The following NSD3 variants were observed in gnomAD, a reference collection of about 807,000 sequenced individuals.
NSD3 encodes the protein nuclear receptor binding SET domain protein 3, also known as histone-lysine N-methyltransferase NSD3.
In NSD3, 24 loss-of-function variants were observed where a neutral mutation model predicts 160.8. The ratio of observed to expected loss-of-function variants is 0.15; its 90% CI spans 0.11 to 0.21. The LOEUF is 0.21. NSD3 is among the 10% of genes least tolerant of loss of function. The pLI, the probability that NSD3 is intolerant of heterozygous loss-of-function variation, is 1.00. For synonymous variants in NSD3, 520 were observed against 600.0 expected (o/e 0.87, Z 1.95); for missense variants, 1,157 against 1,735.9 (o/e 0.67, Z 5.93).
intron 14 of NSD3, 93 bp downstream of exon 14, chr8:38,304,494 G>T: frequency 1.6e-6 from 2 of 1,280,398 alleles, no homozygotes; most frequent in Non-Finnish European, 2.2e-6. Context: ...CTACTAGATG[G>T]CCTGAGTTCT....
intron 12 of NSD3, among the ~76,000 whole-genome samples, chr8:38,310,299 G>A (rs955270591): frequency 1.3e-5 from 2 of 152,018 alleles, no homozygotes; most frequent in Non-Finnish European, 2.9e-5. Flanking sequence ...TTTTATACCT[G>A]GCTTATTTCA....
intron 1 of NSD3, among the ~76,000 whole-genome samples, chr8:38,378,981 C>T (rs1811471705): frequency 6.6e-6 from 1 of 152,210 alleles, no homozygotes; most frequent in South Asian, 2.1e-4. Context: ...GAAACGCTGT[C>T]ATTAGAATCA....
chr8:38,360,586 C>T (rs970258905), intron 1 of NSD3, among the ~76,000 whole-genome samples: 1 of 152,164 alleles, frequency 6.6e-6, no homozygotes, highest in Non-Finnish European at 1.5e-5. Flanking sequence ...AACATCAATT[C>T]TCCAAATGAC....
intron 4 of NSD3, among the ~76,000 whole-genome samples, chr8:38,336,854 T>TA (rs1810229339): frequency 6.6e-6 from 1 of 152,174 alleles, no homozygotes; most frequent in African/African-American, 2.4e-5. Flanking sequence ...TAAAAACTGA[T>TA]ACAGAGGCCG....
intron 23 of NSD3, 82 bp from the exon 24 acceptor site, chr8:38,275,964 C>T: frequency 8.2e-7 from 1 of 1,225,648 alleles, no homozygotes; most frequent in Non-Finnish European, 1.1e-6. Flanking sequence ...ACCCAGGTTC[C>T]TTCTTCTCTC....
intron 1 of NSD3, among the ~76,000 whole-genome samples, chr8:38,377,078 A>T (rs1004933460): frequency 6.6e-6 from 1 of 152,074 alleles, no homozygotes; most frequent in Non-Finnish European, 1.5e-5. Flanking sequence ...TTTGAGACGG[A>T]GTCTCGCTTT....
At chr8:38,332,833 G>A (rs538934828) in intron 4 of NSD3, among the ~76,000 whole-genome samples, 1 of 151,912 alleles carries the variant, frequency 6.6e-6, no homozygotes, top group Non-Finnish European at 1.5e-5. Context: ...GATCTTTTGC[G>A]AAAAATAGTC....
At chr8:38,334,620 T>C (rs1315822643) in intron 4 of NSD3, among the ~76,000 whole-genome samples, 1 of 148,676 alleles carries the variant, frequency 6.7e-6, no homozygotes, top group Non-Finnish European at 1.5e-5. Context: ...AATTAGCCGG[T>C]GTGGTGGTGG....
chr8:38,323,298 C>T (rs1181737562), intron 7 of NSD3, among the ~76,000 whole-genome samples: 2 of 151,984 alleles, frequency 1.3e-5, no homozygotes, highest in African/African-American at 2.4e-5. Flanking sequence ...CCTTGTGATC[C>T]GCCTGCCTCA....
intron 1 of NSD3, among the ~76,000 whole-genome samples, chr8:38,373,424 T>C (rs1811306986): frequency 1.3e-5 from 2 of 152,178 alleles, no homozygotes; most frequent in Admixed American, 6.5e-5. Context: ...GTTTATACTG[T>C]ACATTCAAGT....
chr8:38,345,401 CA>C (rs1419990421), intron 2 of NSD3, among the ~76,000 whole-genome samples: 3 of 151,440 alleles, frequency 2.0e-5, no homozygotes, highest in Non-Finnish European at 4.4e-5. Flanking sequence ...AGAGAACGAA[CA>C]AGAAAAAAAC....
chr8:38,325,315 C>A (rs530751603), intron 7 of NSD3, among the ~76,000 whole-genome samples: 4 of 152,302 alleles, frequency 2.6e-5, no homozygotes, highest in Non-Finnish European at 1.5e-5. Flanking sequence ...TCTATAAGTA[C>A]GTTCAGAAAA....
chr8:38,318,115 G>A lies in NSD3; in HGVS notation c.1855+780C>T. 2 of 1,540,674 alleles carry A rather than the reference G, an allele frequency of 1.3e-6. No individual in the cohort carries two copies. Among genetic ancestry groups the A allele is most frequent in the South Asian group, 1.2e-5 (1 of 85,746 alleles). On this transcript the variant is annotated intron_variant, in intron 9 of 23. Transcript: ENST00000317025. This position sits in a 1 kb window ranked among gnomAD's most constrained non-coding sequence, Gnocchi z 5.3. ...TCGCGATGTCTTTTCTTGGAGCTCC[G>A]CCAAGCAGTGTTCCCTCCGAGAGGC...
chr8:38,304,639 C>T lies in NSD3; in HGVS notation c.2559G>A (p.Arg853=). Residue 853 remains arginine (R), a synonymous_variant, in exon 14 of 24, where the codon CGG becomes CGA. Transcript: ENST00000317025. ...CATTTACAGCAGAAGAATTACTGCTCCGTTTGGAATGATTACTACAGATGA... is the reference window on the plus strand; with the variant it reads ...CATTTACAGCAGAAGAATTACTGCTTCGTTTGGAATGATTACTACAGATGA... ...YILICSNHSK[R]SSNSSAVNVG... 1.9e-6 allele frequency: 3 copies of T among 1,613,694 alleles called. No individual in the cohort carries two copies. The highest frequency in any genetic ancestry group is 2.5e-6 in the Non-Finnish European group (3 of 1,179,830).
intron 2 of NSD3, among the ~76,000 whole-genome samples, chr8:38,345,735 G>A (rs1463917721): frequency 6.7e-6 from 1 of 149,992 alleles, no homozygotes; most frequent in Non-Finnish European, 1.5e-5. Flanking sequence ...ACATGACCCT[G>A]TCTCTACTTG....
At chr8:38,310,213 C>T (rs1453428583) in intron 12 of NSD3, among the ~76,000 whole-genome samples, 2 of 152,266 alleles carry the variant, frequency 1.3e-5, no homozygotes, top group African/African-American at 4.8e-5. Context: ...CCCCTACAAC[C>T]CTGGTGACTA....
In NSD3 at chr8:38,310,514, C is replaced by CT. The variant is rs545543358; in HGVS notation, c.2242+4132dup. On this transcript the variant is annotated intron_variant, in intron 12 of 23. Coordinates refer to ENST00000317025, the MANE Select transcript of NSD3 (RefSeq NM_023034.2). Reference sequence around the variant, plus strand: ...GACAGTACAAATATCTGTTGGAGTCCTTTTTTTTTTGAGAGAGAGTCTCAC... The same window carrying CT: ...GACAGTACAAATATCTGTTGGAGTCCTTTTTTTTTTTGAGAGAGAGTCTCAC... 6.4e-4 allele frequency among the ~76,000 whole-genome samples: 95 copies of CT among 147,408 alleles called. 1 individual carries two copies. Among genetic ancestry groups the CT allele is most frequent in the South Asian group, 1.7e-3 (8 of 4,638 alleles).
At chr8:38,337,248 T>G in intron 4 of NSD3, 57 bp downstream of exon 4, 3 of 1,450,052 alleles carry the variant, frequency 2.1e-6, no homozygotes. Context: ...ATACAACATT[T>G]AAAAGTCACT....
intron 1 of NSD3, among the ~76,000 whole-genome samples, chr8:38,368,147 A>AG (rs549129969): frequency 2.0e-3 from 303 of 152,182 alleles, no homozygotes; most frequent in Non-Finnish European, 2.9e-3. Context: ...ACCCAGCTAA[A>AG]GGGGGTTACA....
Sources: gnomAD v4.1 joint callset for allele counts (sites outside exome capture counted in the v4.1 genomes callset) on GRCh38, gnomAD v4.1.1 for gene constraint, Gnocchi (gnomAD v3.1) non-coding constraint, MANE v1.5 for transcripts, NCBI Gene and HGNC (gene_info 2026-07-23, HGNC 2026-07-21) for gene names.